Variants in RREB1 observed in about 807,000 individuals in gnomAD.
RREB1 encodes ras responsive element binding protein 1.
Under a neutral mutation model 117.8 loss-of-function variants are expected in RREB1, and 27 were observed. That is an observed-to-expected ratio of 0.23 (90% confidence interval 0.17 to 0.32). The LOEUF is 0.32. RREB1 is among the 10% of genes least tolerant of loss of function. RREB1 has a pLI of 1.00. For synonymous variants in RREB1, 1,298 were observed against 1,026.7 expected, an observed-to-expected ratio of 1.26 and a Z score of -5.05; for missense variants, 2,577 against 2,378.2, an observed-to-expected ratio of 1.08 and a Z score of -1.74.
intron 1 of RREB1, among the ~76,000 whole-genome samples, chr6:7,111,346 G>GT (rs966670300): frequency 6.6e-6 from 1 of 152,176 alleles, no homozygotes; most frequent in African/African-American, 2.4e-5. Flanking sequence ...AGTTAATGAA[G>GT]TTTTAAAATG....
Position 7,229,647 on chromosome 6 carries a change from G to T in RREB1, c.1548G>T (p.Arg516=). The part of the protein sequence containing the change: ...PLKPKPLVTP[R]TVVATSTPPP... Reference sequence around the variant, plus strand: ...AGCCAAAGCCCCTGGTCACACCACGGACGGTGGTGGCCACCTCCACGCCCC... The same window carrying T: ...AGCCAAAGCCCCTGGTCACACCACGTACGGTGGTGGCCACCTCCACGCCCC... Residue 516 remains arginine, a synonymous_variant, in exon 10 of 13, where the codon CGG becomes CGT. Coordinates refer to ENST00000379938, the MANE Select transcript of RREB1 (RefSeq NM_001003699.4). The surrounding 1 kb of genome is among the most constrained non-coding windows in gnomAD (Gnocchi z 4.5). 1 of 1,612,510 alleles carries T rather than the reference G, an allele frequency of 6.2e-7. No individual in the cohort carries two copies.
chr6:7,155,163 T>A (rs2113442000), intron 1 of RREB1, among the ~76,000 whole-genome samples: 1 of 152,342 alleles, frequency 6.6e-6, no homozygotes, highest in East Asian at 1.9e-4. Flanking sequence ...GGCCCTGTTC[T>A]CATCACCCTC....
At chr6:7,218,997 C>T (rs900162667) in intron 8 of RREB1, 6 of 144,444 alleles carry the variant, frequency 4.2e-5, no homozygotes, top group African/African-American at 7.7e-5. Flanking sequence ...TCTGTAATCT[C>T]AGTACTTTGG....
chr6:7,139,634 C>T (rs915612516), intron 1 of RREB1, among the ~76,000 whole-genome samples: 1 of 151,646 alleles, frequency 6.6e-6, no homozygotes, highest in African/African-American at 2.4e-5. Context: ...GGTAGTTGGG[C>T]CTTCAAAAAA....
intron 1 of RREB1, among the ~76,000 whole-genome samples, chr6:7,171,621 T>G (rs541864563): frequency 3.9e-5 from 6 of 152,176 alleles, no homozygotes; most frequent in East Asian, 1.9e-4. Context: ...TCCTCATGGT[T>G]GTTGTTTTGA....
chr6:7,237,340 A>T (rs1291931737), intron 10 of RREB1, among the ~76,000 whole-genome samples: 2 of 150,286 alleles, frequency 1.3e-5, no homozygotes, highest in Non-Finnish European at 3.0e-5. Flanking sequence ...ACCAGCCTCG[A>T]CCTCCCAAAG....
Position 7,249,206 on chromosome 6 carries a change from T to G in RREB1, c.*238T>G. 1 of 473,424 alleles carries G rather than the reference T, an allele frequency of 2.1e-6. No homozygotes were observed. Among genetic ancestry groups the G allele is most frequent in the East Asian group, 3.2e-5 (1 of 31,324 alleles). 29.3% of individuals were successfully genotyped at this position (473,424 alleles called of 1,614,324 possible). A position where few individuals can be genotyped will look rare whatever the true frequency, so the allele number is the denominator to read the frequency against. On this transcript the variant is annotated 3_prime_UTR_variant, in exon 13 of 13. Transcript: ENST00000379938. The stretch of plus-strand genomic sequence containing the variant: ...TCCAGTGCCTTAACTACTTACCGGA[T>G]CCCTCCATATTATCATGGGTGTTGT...
intron 6 of RREB1, among the ~76,000 whole-genome samples, chr6:7,206,909 G>A (rs1453486279): frequency 6.6e-6 from 1 of 152,242 alleles, no homozygotes; most frequent in Non-Finnish European, 1.5e-5. Context: ...CTTTGGGATG[G>A]AAGAGGGCAG....
chr6:7,192,116 ATTTTTTTT>A (rs34074532), intron 6 of RREB1, among the ~76,000 whole-genome samples: 10 of 15,318 alleles, frequency 6.5e-4, no homozygotes, highest in East Asian at 3.5e-3. Flanking sequence ...TTGTCAGATG[ATTTTTTTT>A]TTTTTTTTTT....
intron 8 of RREB1, among the ~76,000 whole-genome samples, chr6:7,223,600 C>CTAGGATACAAG (rs1423539771): frequency 6.9e-6 from 1 of 144,966 alleles, no homozygotes; most frequent in Non-Finnish European, 1.5e-5. Flanking sequence ...AGGAAGATCT[C>CTAGGATACAAG]TAGGATACAA....
At chr6:7,188,303 T>A (rs529920106) in intron 5 of RREB1, among the ~76,000 whole-genome samples, 17 of 150,968 alleles carry the variant, frequency 1.1e-4, no homozygotes, top group Non-Finnish European at 1.8e-4. Flanking sequence ...CAGGCTGGAG[T>A]ACAGTGGTGC....
intron 1 of RREB1, among the ~76,000 whole-genome samples, chr6:7,143,757 A>G (rs1285429023): frequency 1.3e-5 from 2 of 151,382 alleles, no homozygotes; most frequent in African/African-American, 2.4e-5. Context: ...TGAATGCACC[A>G]TTTGTTGTTT....
chr6:7,152,836 G>T (rs2113432584), intron 1 of RREB1, among the ~76,000 whole-genome samples: 1 of 152,320 alleles, frequency 6.6e-6, no homozygotes, highest in South Asian at 2.1e-4. Flanking sequence ...GTGCTAGAGA[G>T]AATTCTAGCA....
At position 7,226,473 on chromosome 6, in the gene RREB1, C is replaced by G. The variant is rs758011708; in HGVS notation, c.714C>G (p.Asp238Glu). 6.8e-6 allele frequency: 11 copies of G among 1,611,028 alleles called. No homozygotes were observed. The highest frequency in any genetic ancestry group is 7.6e-6 in the Non-Finnish European group (9 of 1,178,380). ...ETHSDNPLRCDICCVTFRTHR... is the reference protein window; with the variant it reads ...ETHSDNPLRCEICCVTFRTHR... ...TCTCCCTTTCCTCTCCTAGATGTGA[C>G]ATTTGTTGTGTCACCTTTCGAACAC... Residue 238 changes from aspartate to glutamate, a missense_variant, in exon 9 of 13, where the codon GAC becomes GAG. Coordinates refer to ENST00000379938, the MANE Select transcript of RREB1 (RefSeq NM_001003699.4).
At chr6:7,188,192 TAAATA>T (rs1164513730) in intron 5 of RREB1, among the ~76,000 whole-genome samples, 11 of 150,772 alleles carry the variant, frequency 7.3e-5, no homozygotes, top group South Asian at 4.2e-4. Context: ...TCAAAATAAA[TAAATA>T]AAATAAAATA....
intron 1 of RREB1, among the ~76,000 whole-genome samples, chr6:7,146,379 G>GGGAGGGGA (rs939823327): frequency 2.6e-5 from 4 of 152,242 alleles, no homozygotes; most frequent in Admixed American, 2.6e-4. Context: ...AGCAGGAGAT[G>GGGAGGGGA]GGAGGGGAGG....
At chr6:7,143,513 G>A (rs901224862) in intron 1 of RREB1, among the ~76,000 whole-genome samples, 17 of 152,064 alleles carry the variant, frequency 1.1e-4, no homozygotes, top group African/African-American at 3.6e-4. Flanking sequence ...ATTATCTTAG[G>A]TAGAGGTGTT....
At chr6:7,142,592 G>T (rs1435052606) in intron 1 of RREB1, among the ~76,000 whole-genome samples, 4 of 152,240 alleles carry the variant, frequency 2.6e-5, no homozygotes, top group Non-Finnish European at 4.4e-5. Context: ...AGTTCGTGGG[G>T]TCAGGCTTGA....
In RREB1 at chr6:7,249,872, A is replaced by G. The variant is rs1769335513; in HGVS notation, c.*904A>G. ...TGCAGTGAGCAGAATCAAATGGGCAATATTTGTCCTGGGAGACCTGTGCCG... is the reference window on the plus strand; with the variant it reads ...TGCAGTGAGCAGAATCAAATGGGCAGTATTTGTCCTGGGAGACCTGTGCCG... On this transcript the variant is annotated 3_prime_UTR_variant, in exon 13 of 13. Coordinates refer to ENST00000379938, the MANE Select transcript of RREB1 (RefSeq NM_001003699.4). 6.6e-6 allele frequency: 1 copy of G among 152,450 alleles called. No individual in the cohort carries two copies. The highest frequency in any genetic ancestry group is 2.4e-5 in the African/African-American group (1 of 41,374). The allele number at this position is 152,450 out of a possible 1,614,324, so 9.4% of individuals were successfully genotyped here.
Sources: allele counts gnomAD v4.1 joint callset (sites outside exome capture counted in the v4.1 genomes callset), GRCh38; gene constraint gnomAD v4.1.1; non-coding constraint Gnocchi (gnomAD v3.1); transcripts MANE v1.5; gene names NCBI Gene and HGNC (gene_info 2026-07-23, HGNC 2026-07-21).